Variants in CSMD1 observed in about 807,000 individuals in gnomAD.
CSMD1 encodes CUB and sushi domain-containing protein 1.
In CSMD1, 213 loss-of-function variants were observed where a neutral mutation model predicts 417.5. The ratio of observed to expected loss-of-function variants is 0.51; its 90% CI spans 0.46 to 0.57. CSMD1 has a LOEUF of 0.57. Ranked by LOEUF, CSMD1 falls within the 20% of genes least tolerant of loss-of-function variation. The pLI is 0.00. For missense variants in CSMD1, 6,923 were observed against 4,529.7 expected (o/e 1.53, Z -15.17); for synonymous variants, 2,862 against 1,736.8 (o/e 1.65, Z -16.11).
At chr8:4,349,429 G>A (rs1004269251) in intron 3 of CSMD1, among the ~76,000 whole-genome samples, 1 of 152,172 alleles carries the variant, frequency 6.6e-6, no homozygotes, top group Non-Finnish European at 1.5e-5. Flanking sequence ...TAATGATAGA[G>A]AAAAGTCAGA....
Position 4,964,502 on chromosome 8 carries a change from C to CAAA in CSMD1, c.85+29827_85+29829dup, listed in dbSNP as rs10622416. ...TCACAACACAGCAAGACCCTGTCTC[C>CAAA]AAAAAAAAAAAAAAAAAAAAAAAGG... On this transcript the variant is annotated intron_variant, in intron 1 of 69. Coordinates refer to ENST00000635120, the MANE Select transcript of CSMD1 (RefSeq NM_033225.6). 9.2e-3 allele frequency among the ~76,000 whole-genome samples: 971 copies of CAAA among 105,832 alleles called. 28 individuals are homozygous for CAAA. The highest frequency in any genetic ancestry group is 0.033 in the African/African-American group (869 of 26,180). The allele number at this position is 105,832 out of a possible 152,430, so 69.4% of individuals were successfully genotyped here. A position where few individuals can be genotyped will look rare whatever the true frequency, so the allele number is the denominator to read the frequency against.
At chr8:3,754,183 G>A (rs78104770) in intron 5 of CSMD1, 141 bp from the exon 6 acceptor site, 5,802 of 510,516 alleles carry the variant, frequency 0.011, 302 homozygotes, top group African/African-American at 0.098. Context: ...AATTGACTTT[G>A]AACCTTAAAA....
chr8:3,320,514 G>T (rs890002317), intron 23 of CSMD1, among the ~76,000 whole-genome samples: 16 of 152,164 alleles, frequency 1.1e-4, no homozygotes, highest in Non-Finnish European at 2.4e-4. Flanking sequence ...ATGACTCATA[G>T]GCTGATACTT....
At position 2,954,404 on chromosome 8, in the gene CSMD1, ACATTT is replaced by A; in HGVS notation, c.9995-141_9995-137del. On this transcript the variant is annotated intron_variant, in intron 64 of 69. Transcript: ENST00000635120. ...CAAAATATGAATACCTTATACATAT[ACATTT>A]TAAACTCATGTCTTTACAGCAGAAT... 5.6e-6 allele frequency: 3 copies of A among 538,394 alleles called. No homozygotes were observed. In the South Asian group the frequency reaches 7.3e-5, roughly 13 times the overall value. The allele number at this position is 538,394 out of a possible 1,614,324, so 33.4% of individuals were successfully genotyped here. A position where few individuals can be genotyped will look rare whatever the true frequency, so the allele number is the denominator to read the frequency against.
intron 39 of CSMD1, among the ~76,000 whole-genome samples, chr8:3,153,414 A>C (rs368057419): frequency 1.6e-3 from 248 of 152,150 alleles, no homozygotes; most frequent in African/African-American, 5.8e-3. Flanking sequence ...CTTTCACTTT[A>C]CTCTACGGAT....
intron 6 of CSMD1, among the ~76,000 whole-genome samples, chr8:3,721,578 C>T (rs577798478): frequency 2.0e-5 from 3 of 152,282 alleles, no homozygotes; most frequent in African/African-American, 7.2e-5. Flanking sequence ...AGTGGTATTT[C>T]AGGTTCAAAC....
chr8:4,580,241 A>G (rs1316192936), intron 2 of CSMD1, among the ~76,000 whole-genome samples: 1 of 152,126 alleles, frequency 6.6e-6, no homozygotes, highest in Non-Finnish European at 1.5e-5. Flanking sequence ...TACTGCCTTA[A>G]CACGCCCTCT....
intron 15 of CSMD1, among the ~76,000 whole-genome samples, chr8:3,400,414 T>A (rs935756216): frequency 2.6e-5 from 4 of 152,162 alleles, no homozygotes; most frequent in African/African-American, 4.8e-5. Context: ...AATGGCCATA[T>A]GTATAATGTA....
At position 3,623,176 on chromosome 8, in the gene CSMD1, A is replaced by G. The variant is rs1263110221; in HGVS notation, c.1010-6379T>C. Among the ~76,000 whole-genome samples the G allele has an allele frequency of 3.3e-5, 5 of 152,238 alleles. No individual in the cohort carries two copies. In the East Asian group the frequency reaches 9.6e-4, roughly 29 times the overall value. On this transcript the variant is annotated intron_variant, in intron 7 of 69. Transcript: ENST00000635120. Reference sequence around the variant, plus strand: ...AAGAGTTTAAATGAATTTGATTTTAAAAGTATAAATTACATATATTTTCAA... The same window carrying G: ...AAGAGTTTAAATGAATTTGATTTTAGAAGTATAAATTACATATATTTTCAA...
chr8:3,701,872 C>G (rs903462456), intron 7 of CSMD1, among the ~76,000 whole-genome samples: 19 of 152,168 alleles, frequency 1.2e-4, no homozygotes, highest in African/African-American at 3.9e-4. Context: ...GATGGAACCA[C>G]TGTGTGTCGT....
intron 12 of CSMD1, among the ~76,000 whole-genome samples, chr8:3,412,057 CACACGTATAT>C (rs1812826751): frequency 1.5e-5 from 1 of 66,858 alleles, no homozygotes; most frequent in Non-Finnish European, 2.8e-5. Context: ...CGTATATATA[CACACGTATAT>C]ATACATATAT....
chr8:3,079,925 T>G (rs756217077), intron 49 of CSMD1, among the ~76,000 whole-genome samples: 1 of 152,204 alleles, frequency 6.6e-6, no homozygotes, highest in Non-Finnish European at 1.5e-5. Flanking sequence ...TTTGCACCAG[T>G]TCCGTCCTTG....
intron 2 of CSMD1, among the ~76,000 whole-genome samples, chr8:4,481,632 T>A (rs1339814884): frequency 6.6e-6 from 1 of 152,112 alleles, no homozygotes; most frequent in African/African-American, 2.4e-5. Context: ...CATGAGGAAA[T>A]AAAAGCACCA....
At chr8:3,038,464 G>T (rs186993809) in intron 50 of CSMD1, among the ~76,000 whole-genome samples, 1 of 152,150 alleles carries the variant, frequency 6.6e-6, no homozygotes, top group Admixed American at 6.5e-5. Flanking sequence ...GCAATACACA[G>T]CATTTATATT....
intron 23 of CSMD1, among the ~76,000 whole-genome samples, chr8:3,329,600 G>C (rs755442814): frequency 6.6e-6 from 1 of 152,160 alleles, no homozygotes; most frequent in Non-Finnish European, 1.5e-5. Flanking sequence ...TGTACCATGA[G>C]TGCGTCCCCT....
intron 12 of CSMD1, among the ~76,000 whole-genome samples, chr8:3,448,271 A>T (rs927520605): frequency 8.0e-6 from 1 of 124,288 alleles, no homozygotes; most frequent in African/African-American, 3.1e-5. Context: ...TCCTTGGACA[A>T]AAGAGGGACA....
At chr8:3,821,505 G>A (rs534837335) in intron 5 of CSMD1, among the ~76,000 whole-genome samples, 7 of 99,256 alleles carry the variant, frequency 7.1e-5, no homozygotes, top group Admixed American at 5.7e-4. Flanking sequence ...ACCAGGAGCT[G>A]GGTGCGGTGG....
chr8:3,799,249 C>T (rs1026569598), intron 5 of CSMD1, among the ~76,000 whole-genome samples: 3 of 150,424 alleles, frequency 2.0e-5, no homozygotes, highest in African/African-American at 5.0e-5. Context: ...TCTTTGATCA[C>T]AGCATTTTTT....
intron 23 of CSMD1, among the ~76,000 whole-genome samples, chr8:3,326,838 T>G (rs1806561832): frequency 6.6e-6 from 1 of 152,224 alleles, no homozygotes; most frequent in Non-Finnish European, 1.5e-5. Context: ...AAATGCCTTT[T>G]CAGGATTCTT....
Sources: gnomAD v4.1 joint callset for allele counts (sites outside exome capture counted in the v4.1 genomes callset) on GRCh38, gnomAD v4.1.1 for gene constraint, MANE v1.5 for transcripts, NCBI Gene and HGNC (gene_info 2026-07-23, HGNC 2026-07-21) for gene names.